The following TAF4 variants were observed in gnomAD, a reference collection of about 807,000 sequenced individuals.
TAF4 encodes TATA-box binding protein associated factor 4, also known as transcription initiation factor TFIID subunit 4.
In TAF4, 9 loss-of-function variants were observed where a neutral mutation model predicts 90.3. That is an observed-to-expected ratio of 0.10 (90% CI 0.06 to 0.17). The LOEUF is 0.17. Among genes scored for constraint, TAF4 ranks in the 10% least tolerant of loss-of-function variants. The pLI is 1.00. For missense variants in TAF4, 1,351 were observed against 1,370.7 expected, an observed-to-expected ratio of 0.99 and a Z score of 0.23; for synonymous variants, 818 against 638.9, an observed-to-expected ratio of 1.28 and a Z score of -4.23.
intron 2 of TAF4, among the ~76,000 whole-genome samples, chr20:62,014,081 T>C (rs2055799018): frequency 6.6e-6 from 1 of 150,970 alleles, no homozygotes; most frequent in Non-Finnish European, 1.5e-5. Context: ...TGGCACCCCC[T>C]AACAGCAGCA....
Position 62,012,636 on chromosome 20 carries a change from T to C in TAF4, c.1641+179A>G, listed in dbSNP as rs114379455. ...AAAAAAGAAAAAAAGAAATCCTGAC[T>C]TATCCCATGTTGGTGGTCAAAGAAA... On this transcript the variant is annotated intron_variant, in intron 3 of 14. Coordinates refer to ENST00000252996, the MANE Select transcript of TAF4 (RefSeq NM_003185.4). The C allele has an allele frequency of 3.9e-3, 3,172 of 805,518 alleles. 80 individuals carry two copies. In the African/African-American group the frequency reaches 0.05, roughly 13 times the overall value. 49.9% of individuals were successfully genotyped at this position (805,518 alleles called of 1,614,324 possible).
chr20:62,036,158 G>T (rs2145497761), intron 1 of TAF4, among the ~76,000 whole-genome samples: 1 of 152,170 alleles, frequency 6.6e-6, no homozygotes, highest in East Asian at 1.9e-4. Context: ...TGAGTAGCTG[G>T]GATTACAGGT....
At chr20:61,991,876 C>T (rs1416652824) in intron 14 of TAF4, among the ~76,000 whole-genome samples, 1 of 152,074 alleles carries the variant, frequency 6.6e-6, no homozygotes, top group African/African-American at 2.4e-5. Flanking sequence ...AGAAAAAGGA[C>T]ACCCAGGGAA....
At chr20:62,042,076 T>C (rs925014465) in intron 1 of TAF4, among the ~76,000 whole-genome samples, 27 of 152,134 alleles carry the variant, frequency 1.8e-4, no homozygotes, top group Non-Finnish European at 2.9e-5. Flanking sequence ...GGAACAGGCA[T>C]TCCTGTTTCC....
intron 14 of TAF4, among the ~76,000 whole-genome samples, chr20:61,978,719 G>A (rs1255538239): frequency 2.6e-5 from 4 of 152,128 alleles, no homozygotes; most frequent in East Asian, 1.9e-4. Context: ...GGGAGGGGGC[G>A]AGACCAACCA....
chr20:61,987,092 G>GCAA (rs2055597263), intron 14 of TAF4, among the ~76,000 whole-genome samples: 2 of 152,208 alleles, frequency 1.3e-5, no homozygotes, highest in Admixed American at 1.3e-4. Flanking sequence ...AGCAGCAGCA[G>GCAA]CAACAGCCAG....
At chr20:62,017,387 C>T (rs917081151) in intron 1 of TAF4, among the ~76,000 whole-genome samples, 21 of 152,128 alleles carry the variant, frequency 1.4e-4, no homozygotes, top group African/African-American at 5.1e-4. Flanking sequence ...GCCTGTAATC[C>T]CAGCACTTTG....
At chr20:61,979,419 T>C (rs1211287109) in intron 14 of TAF4, 2 of 150,568 alleles carry the variant, frequency 1.3e-5, no homozygotes, top group African/African-American at 5.1e-5. Flanking sequence ...CTGCGGCCCG[T>C]GCAGGCGCAA....
At chr20:61,991,866 A>C (rs1296442198) in intron 14 of TAF4, among the ~76,000 whole-genome samples, 1 of 152,272 alleles carries the variant, frequency 6.6e-6, no homozygotes, top group East Asian at 1.9e-4. Context: ...CCGGCTTCCG[A>C]GAAAAAGGAC....
At chr20:61,977,659 T>C (rs1028218711) in intron 14 of TAF4, among the ~76,000 whole-genome samples, 5 of 152,352 alleles carry the variant, frequency 3.3e-5, no homozygotes, top group Admixed American at 2.0e-4. Flanking sequence ...TCAGACGCCC[T>C]GCGCTGTGAG....
chr20:62,022,183 G>C (rs1600848107), intron 1 of TAF4, among the ~76,000 whole-genome samples: 1 of 152,280 alleles, frequency 6.6e-6, no homozygotes, highest in Admixed American at 6.5e-5. Flanking sequence ...AGGTGGGTGG[G>C]CCTGCGATGG....
intron 14 of TAF4, among the ~76,000 whole-genome samples, chr20:61,989,920 C>T (rs919310424): frequency 3.3e-5 from 5 of 152,190 alleles, no homozygotes; most frequent in East Asian, 1.9e-4. Flanking sequence ...GGGGTGGCGA[C>T]ACAGGCAGGC....
chr20:62,003,978 C>A, intron 7 of TAF4, 100 bp from the exon 8 acceptor site: 1 of 1,405,766 alleles, frequency 7.1e-7, no homozygotes, highest in Non-Finnish European at 9.4e-7. Context: ...CTTTGCACCC[C>A]ACGCCCCCAG....
At chr20:62,024,948 A>G (rs922327122) in intron 1 of TAF4, among the ~76,000 whole-genome samples, 10 of 152,146 alleles carry the variant, frequency 6.6e-5, no homozygotes, top group African/African-American at 9.7e-5. Context: ...ACACGGAGAG[A>G]GCCCCAACAT....
chr20:61,983,920 G>A (rs6089580), intron 14 of TAF4, among the ~76,000 whole-genome samples: 91,673 of 152,020 alleles, frequency 0.6, 28,093 homozygotes, highest in Middle Eastern at 0.76. Context: ...ACGGTCTGAC[G>A]TGTGACAAAG....
intron 2 of TAF4, 25 bp from the exon 3 acceptor site, chr20:62,012,959 A>T (rs1333834305): frequency 1.2e-6 from 2 of 1,611,002 alleles, no homozygotes; most frequent in Non-Finnish European, 1.7e-6. Context: ...GAGTCACCTA[A>T]AACGAGCGCA....
At chr20:62,042,592 C>A (rs949470230) in intron 1 of TAF4, among the ~76,000 whole-genome samples, 4 of 152,122 alleles carry the variant, frequency 2.6e-5, no homozygotes, top group African/African-American at 7.3e-5. Flanking sequence ...CGGGCTCCTG[C>A]ACCTGCCCGT....
chr20:62,015,766 G>A (rs939460885), intron 1 of TAF4, among the ~76,000 whole-genome samples: 20 of 152,200 alleles, frequency 1.3e-4, no homozygotes, highest in Non-Finnish European at 2.4e-4. Flanking sequence ...ACAAATGAGC[G>A]TGGGGCTTCC....
intron 1 of TAF4, among the ~76,000 whole-genome samples, chr20:62,045,519 G>A (rs750807699): frequency 6.6e-5 from 10 of 152,240 alleles, no homozygotes; most frequent in African/African-American, 9.6e-5. Flanking sequence ...CCGTGGTCTC[G>A]GTTCTACAGT....
Sources: allele counts gnomAD v4.1 joint callset (sites outside exome capture counted in the v4.1 genomes callset), GRCh38; gene constraint gnomAD v4.1.1; transcripts MANE v1.5; gene names NCBI Gene and HGNC (gene_info 2026-07-23, HGNC 2026-07-21).